Variants in DDX27 observed in about 807,000 individuals in gnomAD.
DDX27 encodes DEAD-box helicase 27, also known as probable ATP-dependent RNA helicase DDX27.
In DDX27, 42 loss-of-function variants were observed where a neutral mutation model predicts 99.3. The ratio of observed to expected loss-of-function variants is 0.42; its 90% CI spans 0.33 to 0.55. The LOEUF (loss-of-function observed/expected upper bound fraction) is 0.55, where lower values mean the gene tolerates loss of function less well. Ranked by LOEUF, DDX27 falls within the 20% of genes least tolerant of loss-of-function variation. The probability of loss-of-function intolerance (pLI) is 0.07; values close to 1 mark genes in which losing one functional copy is unlikely to be tolerated. For synonymous variants in DDX27, 329 were observed against 353.8 expected (o/e 0.93, Z 0.79); for missense variants, 798 against 976.8 (o/e 0.82, Z 2.44).
chr20:49,224,942 T>C lies in DDX27; in HGVS notation c.467-3T>C, dbSNP rs973401002. 18 of 1,613,986 alleles carry C rather than the reference T, an allele frequency of 1.1e-5. No homozygotes were observed. In the African/African-American group the frequency reaches 1.2e-4, roughly 11 times the overall value. The stretch of plus-strand genomic sequence containing the variant: ...TGGTCATCAGCTAAGTTTTTCTCCA[T>C]AGATACACTCAAAGTAAAGGATCGG... On this transcript the variant is annotated splice_region_variant and splice_polypyrimidine_tract_variant and intron_variant, in intron 4 of 20. Transcript: ENST00000618172.
At chr20:49,238,790 T>G (rs1286448914) in intron 14 of DDX27, 159 bp from the exon 15 acceptor site, 3 of 156,606 alleles carry the variant, frequency 1.9e-5, no homozygotes, top group Admixed American at 9.0e-5. Context: ...TTTTTTTTTT[T>G]GTAGAGACAG....
chr20:49,230,687 C>G (rs1481972975), intron 9 of DDX27, among the ~76,000 whole-genome samples: 1 of 152,190 alleles, frequency 6.6e-6, no homozygotes, highest in Non-Finnish European at 1.5e-5. Context: ...TGTTGAGGAG[C>G]TGAGGAGGGA....
intron 9 of DDX27, among the ~76,000 whole-genome samples, chr20:49,230,742 G>A (rs1475738659): frequency 6.6e-6 from 1 of 152,212 alleles, no homozygotes; most frequent in African/African-American, 2.4e-5. Context: ...CTCTGTGACT[G>A]CAGTGGGGAC....
intron 6 of DDX27, 34 bp downstream of exon 6, chr20:49,225,233 A>G (rs1161985754): frequency 3.2e-6 from 5 of 1,538,534 alleles, no homozygotes; most frequent in East Asian, 2.2e-5. Flanking sequence ...TTCTTTGTAG[A>G]AGCATGGTCT....
chr20:49,224,925 A>C lies in DDX27; in HGVS notation c.467-20A>C. On this transcript the variant is annotated intron_variant, in intron 4 of 20. Transcript: ENST00000618172. ...TTTGTAAGTCTGAGCCGTGGTCATC[A>C]GCTAAGTTTTTCTCCATAGATACAC... The C allele has an allele frequency of 6.2e-7, 1 of 1,614,044 alleles. No homozygotes were observed.
intron 1 of DDX27, among the ~76,000 whole-genome samples, chr20:49,221,038 C>G (rs368539910): frequency 5.1e-4 from 78 of 152,192 alleles, no homozygotes; most frequent in African/African-American, 1.7e-3. Flanking sequence ...CTCGGCTCAC[C>G]GCAGCCTCCC....
Position 49,239,387 on chromosome 20 carries a change from G to C in DDX27, c.1897+49G>C, listed in dbSNP as rs563071809. 62 of 1,372,494 alleles carry C rather than the reference G, an allele frequency of 4.5e-5. No individual in the cohort carries two copies. In the South Asian group the frequency reaches 7.6e-4, roughly 17 times the overall value. The allele number at this position is 1,372,494 out of a possible 1,614,324, so 85.0% of individuals were successfully genotyped here. Reference sequence around the variant, plus strand: ...AATCTAAATACAGAATTACCCCACAGGACTCAGCAGTTCCATTTCCTAGTT... The same window carrying C: ...AATCTAAATACAGAATTACCCCACACGACTCAGCAGTTCCATTTCCTAGTT... On this transcript the variant is annotated intron_variant, in intron 16 of 20. Transcript: ENST00000618172.
intron 1 of DDX27, among the ~76,000 whole-genome samples, chr20:49,220,844 CAAAA>C (rs371125470): frequency 6.6e-6 from 1 of 150,912 alleles, no homozygotes; most frequent in East Asian, 2.0e-4. Context: ...CAAAACAAAA[CAAAA>C]AAAACTCTCC....
At position 49,219,551 on chromosome 20, in the gene DDX27, CGGTTCTGGTCTTTG is replaced by C; in HGVS notation, c.93+15_93+28del. On this transcript the variant is annotated intron_variant, in intron 1 of 20. Coordinates refer to ENST00000618172, the MANE Select transcript of DDX27 (RefSeq NM_017895.8). Reference sequence around the variant, plus strand: ...GGACGAGGAAGAGGAGGTATGAGCACGGTTCTGGTCTTTGGGTTTCCTTGACTGCTTCCCTTCCT... The same window carrying C: ...GGACGAGGAAGAGGAGGTATGAGCACGGTTTCCTTGACTGCTTCCCTTCCT... The C allele has an allele frequency of 3.1e-6, 5 of 1,599,390 alleles. No homozygotes were observed. The highest frequency in any genetic ancestry group is 4.3e-6 in the Non-Finnish European group (5 of 1,170,800).
chr20:49,224,468 C>G (rs1049609640), intron 4 of DDX27, among the ~76,000 whole-genome samples: 7 of 150,252 alleles, frequency 4.7e-5, no homozygotes, highest in African/African-American at 1.7e-4. Flanking sequence ...GTGCAAGCAA[C>G]TCTCCTGTCT....
At chr20:49,219,823 CT>C (rs1979573283) in intron 1 of DDX27, among the ~76,000 whole-genome samples, 1 of 151,876 alleles carries the variant, frequency 6.6e-6, no homozygotes, top group Non-Finnish European at 1.5e-5. Flanking sequence ...CGGCAGGTTT[CT>C]TACACCTTGT....
At chr20:49,238,906 G>C (rs935843866) in intron 14 of DDX27, 43 bp from the exon 15 acceptor site, 1 of 1,471,006 alleles carries the variant, frequency 6.8e-7, no homozygotes, top group Non-Finnish European at 9.5e-7. Context: ...ACCATGCCTG[G>C]CCTACCCTTA....
chr20:49,233,268 ACTCT>A, intron 9 of DDX27, 34 bp from the exon 10 acceptor site: 1 of 1,523,936 alleles, frequency 6.6e-7, no homozygotes, highest in Non-Finnish European at 9.1e-7. Context: ...ACCGAAGAGC[ACTCT>A]CTCCATTTCT....
chr20:49,239,541 C>T (rs1488919360), intron 16 of DDX27, among the ~76,000 whole-genome samples: 2 of 152,130 alleles, frequency 1.3e-5, no homozygotes, highest in Non-Finnish European at 2.9e-5. Flanking sequence ...CTAGATCCCT[C>T]GCATGCGCAC....
chr20:49,243,652 A>G lies in DDX27; in HGVS notation c.2228A>G (p.Gln743Arg). The G allele has an allele frequency of 6.2e-7, 1 of 1,614,204 alleles. No individual in the cohort carries two copies. Among genetic ancestry groups the G allele is most frequent in the Middle Eastern group, 1.6e-4 (1 of 6,062 alleles). ...AGCCCTTCCTTTGAAGAAAGGAAAC[A>G]GTTGGGCTTGCCCCACCAGAGACGA... ...RAGPSFEERK[Q>R]LGLPHQRRGG... Residue 743 changes from glutamine to arginine, a missense_variant, in exon 20 of 21, where the codon CAG (glutamine) becomes CGG (arginine). Coordinates refer to ENST00000618172, the MANE Select transcript of DDX27 (RefSeq NM_017895.8).
At chr20:49,221,681 C>A in intron 2 of DDX27, 83 bp downstream of exon 2, 1 of 1,264,828 alleles carries the variant, frequency 7.9e-7, no homozygotes, top group Non-Finnish European at 1.1e-6. Flanking sequence ...CCTGACCTGA[C>A]TGACCATCTG....
intron 19 of DDX27, 40 bp from the exon 20 acceptor site, chr20:49,243,589 C>G (rs775466323): frequency 1.3e-6 from 2 of 1,594,344 alleles, no homozygotes; most frequent in South Asian, 1.1e-5. Context: ...CCCATTTGTT[C>G]AACAGTTTGC....
chr20:49,221,589 CAAG>C lies in DDX27; in HGVS notation c.238_240del (p.Lys80del), dbSNP rs1979690547. ...CCCTGGCTGATGTCATGAGCCAACTCAAGAAGAAGGTGAGACTGACAGTGATGG... is the reference window on the plus strand; with the variant it reads ...CCCTGGCTGATGTCATGAGCCAACTCAAGAAGGTGAGACTGACAGTGATGG... On this transcript the variant is annotated inframe_deletion, in exon 2 of 21. Transcript: ENST00000618172. 1.2e-6 allele frequency: 2 copies of C among 1,601,442 alleles called. No individual in the cohort carries two copies. The highest frequency in any genetic ancestry group is 1.1e-5 in the South Asian group (1 of 89,160).
At chr20:49,222,189 A>T (rs1979712707) in intron 2 of DDX27, among the ~76,000 whole-genome samples, 1 of 151,902 alleles carries the variant, frequency 6.6e-6, no homozygotes, top group Non-Finnish European at 1.5e-5. Flanking sequence ...CTGGAGTGTA[A>T]TGGCGCCATC....
Sources: gnomAD v4.1 joint callset for allele counts (sites outside exome capture counted in the v4.1 genomes callset) on GRCh38, gnomAD v4.1.1 for gene constraint, MANE v1.5 for transcripts, NCBI Gene and HGNC (gene_info 2026-07-23, HGNC 2026-07-21) for gene names.